RSU1: variants seen among roughly 807,000 people sequenced by gnomAD.
RSU1 encodes rsu-1.
A neutral mutation model predicts 31.1 loss-of-function variants in RSU1; 26 were observed. The observed-to-expected ratio is 0.84, with a 90% CI of 0.61 to 1.16. RSU1 has a LOEUF of 1.16. Among genes scored for constraint, RSU1 ranks in the 50% most tolerant of loss-of-function variants. The pLI is 0.00. For synonymous variants in RSU1, 164 were observed against 136.3 expected, an observed-to-expected ratio of 1.20 and a Z score of -1.41; for missense variants, 320 against 339.1, an observed-to-expected ratio of 0.94 and a Z score of 0.44.
chr10:16,802,049 A>G (rs1361352034), intron 2 of RSU1, among the ~76,000 whole-genome samples: 1 of 152,048 alleles, frequency 6.6e-6, no homozygotes, highest in Non-Finnish European at 1.5e-5. Context: ...GAATTGAACT[A>G]CAAGTAAACA....
At chr10:16,803,118 C>T (rs542368130) in intron 2 of RSU1, among the ~76,000 whole-genome samples, 6 of 152,080 alleles carry the variant, frequency 3.9e-5, no homozygotes, top group South Asian at 2.1e-4. Flanking sequence ...ATGATGTGTA[C>T]GTAGAAAATC....
At chr10:16,678,184 C>T (rs992273774) in intron 8 of RSU1, among the ~76,000 whole-genome samples, 1 of 152,158 alleles carries the variant, frequency 6.6e-6, no homozygotes, top group Non-Finnish European at 1.5e-5. Flanking sequence ...ACAAACCCAA[C>T]GTAGAAATCC....
At chr10:16,743,715 G>T (rs1004195586) in intron 7 of RSU1, among the ~76,000 whole-genome samples, 9 of 152,146 alleles carry the variant, frequency 5.9e-5, no homozygotes, top group Non-Finnish European at 1.2e-4. Flanking sequence ...CCTTGGGTTG[G>T]GGAAGGTAAT....
chr10:16,694,101 G>A (rs1037539847), intron 8 of RSU1, among the ~76,000 whole-genome samples: 20 of 152,084 alleles, frequency 1.3e-4, no homozygotes, highest in East Asian at 7.7e-4. Flanking sequence ...ACGTGGAAGT[G>A]GCAGAATTCC....
chr10:16,592,970 TGAAGGAAGA>T lies in RSU1; in HGVS notation c.*415_*423del. On this transcript the variant is annotated 3_prime_UTR_variant, in exon 9 of 9. Transcript: ENST00000345264. Reference sequence around the variant, plus strand: ...AAGTTAAATTAGCATATCTCGGTGGTGAAGGAAGACTTTTAATAAAGCAAAATAATGAGT... The same window carrying T: ...AAGTTAAATTAGCATATCTCGGTGGTCTTTTAATAAAGCAAAATAATGAGT... The T allele has an allele frequency of 6.5e-6, 1 of 154,292 alleles. No homozygotes were observed. The highest frequency in any genetic ancestry group is 1.4e-5 in the Non-Finnish European group (1 of 69,632). The allele number at this position is 154,292 out of a possible 1,614,324, so 9.6% of individuals were successfully genotyped here. A position where few individuals can be genotyped will look rare whatever the true frequency, so the allele number is the denominator to read the frequency against.
intron 8 of RSU1, among the ~76,000 whole-genome samples, chr10:16,653,878 G>A (rs970047118): frequency 6.6e-6 from 1 of 152,120 alleles, no homozygotes; most frequent in Admixed American, 6.5e-5. Flanking sequence ...GATGCCCAAT[G>A]TGACACCAGA....
At chr10:16,663,617 T>G (rs1834928749) in intron 8 of RSU1, among the ~76,000 whole-genome samples, 1 of 152,144 alleles carries the variant, frequency 6.6e-6, no homozygotes, top group African/African-American at 2.4e-5. Flanking sequence ...AAAGGTCACA[T>G]GAATAGCCAC....
intron 5 of RSU1, 36 bp downstream of exon 5, chr10:16,754,835 A>C: frequency 7.6e-7 from 1 of 1,321,784 alleles, no homozygotes; most frequent in Non-Finnish European, 1.1e-6. Flanking sequence ...GCAAAGTACA[A>C]GGTTGAGGAG....
intron 8 of RSU1, among the ~76,000 whole-genome samples, chr10:16,626,331 G>T (rs1299844729): frequency 6.6e-6 from 1 of 152,060 alleles, no homozygotes; most frequent in South Asian, 2.1e-4. Context: ...GGCCACAGGT[G>T]CATGCCACCA....
At chr10:16,734,010 A>G (rs983034229) in intron 7 of RSU1, among the ~76,000 whole-genome samples, 1 of 152,250 alleles carries the variant, frequency 6.6e-6, no homozygotes, top group Non-Finnish European at 1.5e-5. Context: ...CTGCCACTAT[A>G]TCAGCTTCTT....
At chr10:16,778,329 A>G (rs762738800) in intron 3 of RSU1, among the ~76,000 whole-genome samples, 45 of 152,248 alleles carry the variant, frequency 3.0e-4, no homozygotes, top group Non-Finnish European at 5.7e-4. Flanking sequence ...AGTTAATCCC[A>G]AAGAAACCAT....
At chr10:16,799,408 A>G (rs1838102703) in intron 2 of RSU1, among the ~76,000 whole-genome samples, 1 of 152,200 alleles carries the variant, frequency 6.6e-6, no homozygotes, top group African/African-American at 2.4e-5. Flanking sequence ...GCATAGTAGG[A>G]GCAGAAATAC....
intron 8 of RSU1, among the ~76,000 whole-genome samples, chr10:16,598,505 G>T (rs558058822): frequency 1.5e-4 from 23 of 152,300 alleles, no homozygotes; most frequent in African/African-American, 5.5e-4. Context: ...AGTGAGCCGT[G>T]ATCACACCAC....
chr10:16,695,031 T>C lies in RSU1; in HGVS notation c.723A>G (p.Thr241=), dbSNP rs368728910. The C allele has an allele frequency of 6.2e-7, 1 of 1,610,272 alleles. No homozygotes were observed. The highest frequency in any genetic ancestry group is 8.5e-7 in the Non-Finnish European group (1 of 1,178,416). ...AATCAGAGTCTACTTACTATTTGTA[T>C]GTCTCAGAACGGATATACTCAAAAA... ...SHVFEYIRSE[T]YKYLYGRHMQ... The change falls in exon 8 of 9, where the codon ACA becomes ACG. Residue 241 remains threonine (T), a synonymous_variant. Coordinates refer to ENST00000345264, the MANE Select transcript of RSU1 (RefSeq NM_012425.4).
intron 8 of RSU1, among the ~76,000 whole-genome samples, chr10:16,688,475 A>G (rs1835478986): frequency 6.6e-6 from 1 of 152,120 alleles, no homozygotes; most frequent in East Asian, 1.9e-4. Flanking sequence ...CAGATGTGGT[A>G]GCGAGCGCCT....
chr10:16,817,181 T>A (rs372803748), intron 1 of RSU1, 97 bp from the exon 2 acceptor site: 7 of 850,780 alleles, frequency 8.2e-6, no homozygotes, highest in Non-Finnish European at 1.3e-5. Context: ...TTCCCCAGGG[T>A]TGGAGCGGGT....
chr10:16,719,984 C>T lies in RSU1; in HGVS notation c.599-24829G>A, dbSNP rs147897487. ...CCTGCAAATTGAGGTGCTTTGCAGC[C>T]AAGGAAAATGTGGTGCAAGGATTAA... On this transcript the variant is annotated intron_variant, in intron 7 of 8. Coordinates refer to ENST00000345264, the MANE Select transcript of RSU1 (RefSeq NM_012425.4). Among the ~76,000 whole-genome samples, 97 of 152,224 alleles carry T rather than the reference C, an allele frequency of 6.4e-4. 1 individual carries two copies. The East Asian group carries it at 0.019, about 29-fold the overall frequency.
At chr10:16,656,143 G>A (rs949731007) in intron 8 of RSU1, among the ~76,000 whole-genome samples, 10 of 151,954 alleles carry the variant, frequency 6.6e-5, no homozygotes, top group African/African-American at 2.2e-4. Flanking sequence ...ACAAAGTACT[G>A]GAAAGCATAA....
intron 8 of RSU1, among the ~76,000 whole-genome samples, chr10:16,634,754 C>T (rs1473407179): frequency 2.0e-5 from 3 of 152,128 alleles, no homozygotes; most frequent in East Asian, 3.9e-4. Context: ...CCAGTTACCT[C>T]AATTACCTAA....
Sources: allele counts gnomAD v4.1 joint callset (sites outside exome capture counted in the v4.1 genomes callset), GRCh38; gene constraint gnomAD v4.1.1; transcripts MANE v1.5; gene names NCBI Gene and HGNC (gene_info 2026-07-23, HGNC 2026-07-21).